FSTL5: variants seen among roughly 807,000 people sequenced by gnomAD.
FSTL5 encodes the protein follistatin like 5.
Under a neutral mutation model 89.1 loss-of-function variants are expected in FSTL5, and 62 were observed. That is an observed-to-expected ratio of 0.70 (90% CI 0.57 to 0.86). FSTL5 has a LOEUF of 0.86. Among genes scored for constraint, FSTL5 ranks in the 40% least tolerant of loss-of-function variants. FSTL5 has a pLI of 0.00. For synonymous variants in FSTL5, 383 were observed against 346.2 expected, an observed-to-expected ratio of 1.11 and a Z score of -1.18; for missense variants, 1,057 against 1,001.6, an observed-to-expected ratio of 1.06 and a Z score of -0.75.
intron 3 of FSTL5, among the ~76,000 whole-genome samples, chr4:161,963,672 G>T (rs1476724456): frequency 6.6e-6 from 1 of 151,854 alleles, no homozygotes; most frequent in African/African-American, 2.4e-5. Context: ...AGTTATAAAA[G>T]ATTTCTCTTT....
intron 3 of FSTL5, among the ~76,000 whole-genome samples, chr4:161,937,335 G>C (rs776064528): frequency 6.6e-6 from 1 of 151,950 alleles, no homozygotes; most frequent in Admixed American, 6.6e-5. Flanking sequence ...CAGATGGAGA[G>C]GGAAGGAAAA....
chr4:162,080,953 A>C (rs913594873), intron 2 of FSTL5, among the ~76,000 whole-genome samples: 2 of 151,692 alleles, frequency 1.3e-5, no homozygotes, highest in African/African-American at 4.8e-5. Context: ...GCGTTGGTTT[A>C]AAAAGTATTA....
At chr4:161,432,867 C>T (rs1005479102) in intron 15 of FSTL5, among the ~76,000 whole-genome samples, 2 of 151,802 alleles carry the variant, frequency 1.3e-5, no homozygotes, top group Non-Finnish European at 2.9e-5. Context: ...TACAATCTAC[C>T]AAGATTGAAC....
intron 11 of FSTL5, among the ~76,000 whole-genome samples, chr4:161,505,048 AG>A (rs1730429462): frequency 6.6e-6 from 1 of 152,098 alleles, no homozygotes; most frequent in African/African-American, 2.4e-5. Flanking sequence ...AGCCAATCAA[AG>A]GTATTTCAAT....
chr4:161,386,231 A>G lies in FSTL5; in HGVS notation c.2060T>C (p.Ile687Thr), dbSNP rs761582847. ...GCCCGTCACATCACTATTGAACCCAATGACTGAGTCAGTTACACCGTCCAC... is the reference window on the plus strand; with the variant it reads ...GCCCGTCACATCACTATTGAACCCAGTGACTGAGTCAGTTACACCGTCCAC... ...VMVDGVTDSV[I>T]GFNSDVTGTP... Residue 687 changes from isoleucine (I) to threonine (T), a missense_variant, in exon 16 of 16, where the codon ATT becomes ACT. Ile to Thr is a moderately conservative substitution (Grantham distance 89). Around this residue, in one of 3 missense-constraint regions of FSTL5, gnomAD observed 980 missense variants for 903.2 expected, o/e 1.08. Coordinates refer to ENST00000306100, the MANE Select transcript of FSTL5 (RefSeq NM_020116.5). 2.0e-5 allele frequency: 33 copies of G among 1,613,916 alleles called. No homozygotes were observed. In the Admixed American group the frequency reaches 4.2e-4, roughly 20 times the overall value.
At chr4:161,399,064 G>T (rs1415684558) in intron 15 of FSTL5, among the ~76,000 whole-genome samples, 1 of 152,068 alleles carries the variant, frequency 6.6e-6, no homozygotes, top group African/African-American at 2.4e-5. Context: ...TGTATGAATG[G>T]TATAATTAAG....
rs1336221013 is a variant in FSTL5 at position 161,385,890 on chromosome 4, G to A, written c.2401C>T (p.Gln801Ter). The change falls in exon 16 of 16, where the codon CAG (glutamine) becomes TAG (stop). Residue 801 changes from glutamine (Q) to a stop codon, truncating the protein, a stop_gained. Transcript: ENST00000306100. LOFTEE classifies it high-confidence loss of function. Reference protein sequence around the residue: ...WPWNRKNRQIQDSGLFGQYLM... With the variant: ...WPWNRKNRQI ...TATTGACCAAACAAGCCACTGTCCT[G>A]GATTTGCCTGTTTTTCCGGTTCCAA... is the stretch of plus-strand genomic sequence containing the variant. 6.2e-7 allele frequency: 1 copy of A among 1,613,814 alleles called. No homozygotes were observed. Among genetic ancestry groups the A allele is most frequent in the Admixed American group, 1.7e-5 (1 of 59,964 alleles).
chr4:161,650,207 A>C (rs1736289104), intron 7 of FSTL5, among the ~76,000 whole-genome samples: 1 of 152,190 alleles, frequency 6.6e-6, no homozygotes, highest in Non-Finnish European at 1.5e-5. Flanking sequence ...TAATAGATAA[A>C]ATTCACATGA....
intron 15 of FSTL5, among the ~76,000 whole-genome samples, chr4:161,413,264 AAAAAAAAAAAAAAAAAAAAT>A (rs1361375630): frequency 2.3e-5 from 1 of 42,582 alleles, no homozygotes; most frequent in African/African-American, 6.2e-5. Flanking sequence ...CAAAAAAAAA[AAAAAAAAAAAAAAAAAAAAT>A]AAAGACACAC....
intron 6 of FSTL5, among the ~76,000 whole-genome samples, chr4:161,707,940 C>A (rs1297522331): frequency 6.6e-6 from 1 of 151,574 alleles, no homozygotes; most frequent in African/African-American, 2.4e-5. Context: ...TTTTCCCCCA[C>A]AAAATACCTT....
rs549420207 is a variant in FSTL5, at chr4:162,140,421, T to C, written c.-17+23194A>G. Among the ~76,000 whole-genome samples the C allele has an allele frequency of 4.3e-5, 6 of 140,080 alleles. No homozygotes were observed. The East Asian group carries it at 1.3e-3, about 29-fold the overall frequency. 91.9% of individuals were successfully genotyped at this position (140,080 alleles called of 152,430 possible). A position where few individuals can be genotyped will look rare whatever the true frequency, so the allele number is the denominator to read the frequency against. On this transcript the variant is annotated intron_variant, in intron 1 of 15. Transcript: ENST00000306100. Reference sequence around the variant, plus strand: ...AAACTTTGGTTTTATTTTTAACTATTGAATCTTTACAACAGTAAAAACTAA... The same window carrying C: ...AAACTTTGGTTTTATTTTTAACTATCGAATCTTTACAACAGTAAAAACTAA...
At position 161,851,286 on chromosome 4, in the gene FSTL5, C is replaced by T. The variant is rs574777005; in HGVS notation, c.409+69118G>A. ...TAATTGAAATATATAAAGATAGAAG[C>T]TACTGTCTCAGAAGATTTTTACAAC... On this transcript the variant is annotated intron_variant, in intron 4 of 15. Coordinates refer to ENST00000306100, the MANE Select transcript of FSTL5 (RefSeq NM_020116.5). Among the ~76,000 whole-genome samples the T allele has an allele frequency of 1.1e-4, 17 of 152,248 alleles. 1 individual carries two copies. The South Asian group carries it at 3.3e-3, about 30-fold the overall frequency.
At chr4:161,699,640 C>A (rs1738305720) in intron 6 of FSTL5, among the ~76,000 whole-genome samples, 1 of 152,190 alleles carries the variant, frequency 6.6e-6, no homozygotes. Flanking sequence ...GAGAATGTAA[C>A]TTTTGCCATT....
At chr4:162,130,373 A>C (rs1732251426) in intron 1 of FSTL5, among the ~76,000 whole-genome samples, 4 of 149,980 alleles carry the variant, frequency 2.7e-5, no homozygotes. Context: ...AAGCTCAATC[A>C]AACAAGAATG....
intron 4 of FSTL5, among the ~76,000 whole-genome samples, chr4:161,846,434 G>A (rs1050709302): frequency 2.0e-5 from 3 of 151,810 alleles, no homozygotes; most frequent in South Asian, 4.1e-4. Flanking sequence ...TTAGAGTTAC[G>A]AGTTAAGATA....
intron 4 of FSTL5, among the ~76,000 whole-genome samples, chr4:161,888,720 G>A (rs1321610203): frequency 6.6e-6 from 1 of 151,508 alleles, no homozygotes; most frequent in African/African-American, 2.4e-5. Flanking sequence ...TATACTTTAG[G>A]AAGTCATGAT....
chr4:161,745,765 T>C (rs1740179709), intron 6 of FSTL5, among the ~76,000 whole-genome samples: 1 of 152,044 alleles, frequency 6.6e-6, no homozygotes, highest in African/African-American at 2.4e-5. Context: ...CATAAAAACA[T>C]GTTGAGCTGT....
At chr4:161,658,951 T>C (rs1263759356) in intron 6 of FSTL5, among the ~76,000 whole-genome samples, 1 of 152,176 alleles carries the variant, frequency 6.6e-6, no homozygotes, top group African/African-American at 2.4e-5. Context: ...CACTAACCCT[T>C]CCGCATCTGT....
chr4:161,739,488 C>T (rs1404622586), intron 6 of FSTL5, among the ~76,000 whole-genome samples: 1 of 152,120 alleles, frequency 6.6e-6, no homozygotes, highest in Non-Finnish European at 1.5e-5. Flanking sequence ...ATACAATTTG[C>T]TTATATCTCT....
Sources: allele counts gnomAD v4.1 joint callset (sites outside exome capture counted in the v4.1 genomes callset), GRCh38; gene constraint gnomAD v4.1.1; regional missense constraint gnomAD v4.1.1; transcripts MANE v1.5; gene names NCBI Gene and HGNC (gene_info 2026-07-23, HGNC 2026-07-21).